Variants in KRAS observed in about 807,000 individuals in gnomAD.
The protein encoded by KRAS is GTPase KRas.
KRAS carries 1 observed loss-of-function variant against 21.0 expected under a neutral mutation model. The observed-to-expected ratio is 0.05, with a 90% CI of 0.02 to 0.23. The LOEUF (loss-of-function observed/expected upper bound fraction) is 0.23, where lower values mean the gene tolerates loss of function less well. Ranked by LOEUF, KRAS falls within the 10% of genes least tolerant of loss-of-function variation. KRAS has a pLI of 1.00. For synonymous variants in KRAS, 67 were observed against 72.5 expected, an observed-to-expected ratio of 0.92 and a Z score of 0.39; for missense variants, 107 against 221.8, an observed-to-expected ratio of 0.48 and a Z score of 3.29.
At chr12:25,221,999 T>A (rs12580030) in intron 4 of KRAS, among the ~76,000 whole-genome samples, 74,720 of 151,554 alleles carry the variant, frequency 0.49, 19,353 homozygotes, top group East Asian at 0.8. Flanking sequence ...AATACAAAAA[T>A]TTAGCAAGGC....
In KRAS at chr12:25,225,697, T is replaced by C; in HGVS notation, c.367A>G (p.Arg123Gly). 3 of 1,613,264 alleles carry C rather than the reference T, an allele frequency of 1.9e-6. No individual in the cohort carries two copies. The highest frequency in any genetic ancestry group is 2.5e-6 in the Non-Finnish European group (3 of 1,179,466). ...LVGNKCDLPSRTVDTKQAQDL... is the reference protein window; with the variant it reads ...LVGNKCDLPSGTVDTKQAQDL... ...TGAGCCTGTTTTGTGTCTACTGTTCTAGAAGGCAAATCACATTTATTTCCT... is the reference window on the plus strand; with the variant it reads ...TGAGCCTGTTTTGTGTCTACTGTTCCAGAAGGCAAATCACATTTATTTCCT... The change falls in exon 4 of 5, where the codon AGA becomes GGA. Residue 123 changes from arginine to glycine, a missense_variant. Arg to Gly is a moderately radical substitution (Grantham distance 125, BLOSUM62 -2). This residue lies in a region of KRAS where 65 missense variants were observed against 82.3 expected (regional missense o/e 0.79). Coordinates refer to ENST00000311936, the MANE Select transcript of KRAS (RefSeq NM_004985.5).
chr12:25,235,368 T>A lies in KRAS; in HGVS notation c.112-7956A>T, dbSNP rs532933033. On this transcript the variant is annotated intron_variant, in intron 2 of 4. Transcript: ENST00000311936. ...AGCCATCAAAGACGGTTGTAGACTG[T>A]CAGAATTATAATAGGGAAGAAACAG... is the stretch of plus-strand genomic sequence containing the variant. 60 of 367,578 alleles carry A rather than the reference T, an allele frequency of 1.6e-4. 2 individuals carry two copies. In the South Asian group the frequency reaches 5.9e-3, roughly 36 times the overall value. The allele number at this position is 367,578 out of a possible 1,614,324, so 22.8% of individuals were successfully genotyped here. A position where few individuals can be genotyped will look rare whatever the true frequency, so the allele number is the denominator to read the frequency against.
At chr12:25,242,193 G>A (rs1285259379) in intron 2 of KRAS, among the ~76,000 whole-genome samples, 13 of 152,074 alleles carry the variant, frequency 8.5e-5, no homozygotes, top group Admixed American at 8.5e-4. Context: ...AATTATAAGT[G>A]CCACAATAAA....
intron 2 of KRAS, among the ~76,000 whole-genome samples, chr12:25,235,933 G>C (rs1234623515): frequency 6.6e-6 from 1 of 152,116 alleles, no homozygotes; most frequent in East Asian, 1.9e-4. Flanking sequence ...TCCTTGCATG[G>C]GCAGTTCACA....
chr12:25,219,833 T>C lies in KRAS; in HGVS notation c.450+5781A>G, dbSNP rs534087516. ...TATAGTTCAAAATATTGATCTCATG[T>C]ACACAAACTCAACTACTATTAAACA... On this transcript the variant is annotated intron_variant, in intron 4 of 4. Transcript: ENST00000311936. Among the ~76,000 whole-genome samples the C allele has an allele frequency of 1.2e-4, 18 of 152,356 alleles. No individual in the cohort carries two copies. The South Asian group carries it at 3.5e-3, about 30-fold the overall frequency.
At chr12:25,233,562 A>T (rs1161848079) in intron 2 of KRAS, among the ~76,000 whole-genome samples, 1 of 151,904 alleles carries the variant, frequency 6.6e-6, no homozygotes, top group Non-Finnish European at 1.5e-5. Context: ...CTCCAATAGC[A>T]CTCTTCGGTC....
At chr12:25,223,496 T>C (rs1951353154) in intron 4 of KRAS, among the ~76,000 whole-genome samples, 1 of 152,166 alleles carries the variant, frequency 6.6e-6, no homozygotes, top group African/African-American at 2.4e-5. Context: ...TAAAGTGATA[T>C]ATGATATACA....
intron 4 of KRAS, among the ~76,000 whole-genome samples, chr12:25,219,096 A>G (rs988459827): frequency 1.3e-5 from 2 of 151,340 alleles, no homozygotes; most frequent in Non-Finnish European, 2.9e-5. Flanking sequence ...GCACCACCAC[A>G]CCCAGCTAAT....
chr12:25,243,474 G>T (rs865783203), intron 2 of KRAS, among the ~76,000 whole-genome samples: 2 of 152,082 alleles, frequency 1.3e-5, no homozygotes, highest in South Asian at 2.1e-4. Context: ...CCAAATAAAG[G>T]CTTAACTGTT....
At chr12:25,214,261 A>G (rs1951229891) in intron 4 of KRAS, among the ~76,000 whole-genome samples, 1 of 152,242 alleles carries the variant, frequency 6.6e-6, no homozygotes, top group Non-Finnish European at 1.5e-5. Flanking sequence ...ATAGAAGAAC[A>G]AAAGAAATTC....
intron 2 of KRAS, among the ~76,000 whole-genome samples, chr12:25,238,702 T>C (rs1319390916): frequency 6.6e-6 from 1 of 152,254 alleles, no homozygotes; most frequent in African/African-American, 2.4e-5. Flanking sequence ...ACTTACATAA[T>C]GGACATTTTT....
intron 4 of KRAS, chr12:25,225,408 T>G (rs1287243052): frequency 4.4e-6 from 2 of 455,316 alleles, no homozygotes; most frequent in Admixed American, 3.7e-5. Context: ...TGAAGAGAAA[T>G]TTTCAATGTA....
intron 2 of KRAS, among the ~76,000 whole-genome samples, chr12:25,235,459 G>A (rs1951532173): frequency 6.6e-6 from 1 of 152,146 alleles, no homozygotes; most frequent in African/African-American, 2.4e-5. Flanking sequence ...AGTCTCCCTT[G>A]TATCATAGAA....
At chr12:25,216,777 C>T (rs61762439) in intron 4 of KRAS, among the ~76,000 whole-genome samples, 133 of 152,158 alleles carry the variant, frequency 8.7e-4, no homozygotes, top group African/African-American at 3.1e-3. Context: ...AGTCATCAAA[C>T]GGGGCAAAGT....
chr12:25,231,092 CTTTTTTTTT>C (rs34361223), intron 2 of KRAS, among the ~76,000 whole-genome samples: 2 of 66,366 alleles, frequency 3.0e-5, no homozygotes, highest in Non-Finnish European at 5.5e-5. Flanking sequence ...ACCTCACATT[CTTTTTTTTT>C]TTTTTTTTTT....
At chr12:25,217,949 G>GA (rs1378991019) in intron 4 of KRAS, among the ~76,000 whole-genome samples, 20 of 152,094 alleles carry the variant, frequency 1.3e-4, no homozygotes, top group East Asian at 1.9e-4. Flanking sequence ...TCCTCAGAAG[G>GA]AAAGGGTTTA....
chr12:25,212,996 T>C (rs1951214620), intron 4 of KRAS, among the ~76,000 whole-genome samples: 1 of 152,146 alleles, frequency 6.6e-6, no homozygotes, highest in Non-Finnish European at 1.5e-5. Flanking sequence ...ACTCCTGGGG[T>C]CAGGCAATCC....
intron 2 of KRAS, among the ~76,000 whole-genome samples, chr12:25,230,020 C>T (rs1046424394): frequency 6.6e-6 from 1 of 152,146 alleles, no homozygotes; most frequent in Non-Finnish European, 1.5e-5. Flanking sequence ...GATCTGCACG[C>T]CTCAGCCTCT....
At chr12:25,232,983 G>A (rs557863919) in intron 2 of KRAS, among the ~76,000 whole-genome samples, 1 of 151,920 alleles carries the variant, frequency 6.6e-6, no homozygotes, top group South Asian at 2.1e-4. Flanking sequence ...TTTTTTAAAT[G>A]ACAGTTATAA....
Sources: gnomAD v4.1 joint callset for allele counts (sites outside exome capture counted in the v4.1 genomes callset) on GRCh38, gnomAD v4.1.1 for gene constraint, gnomAD v4.1.1 regional missense constraint, MANE v1.5 for transcripts, NCBI Gene and HGNC (gene_info 2026-07-23, HGNC 2026-07-21) for gene names.